RXFP1: variants seen among roughly 807,000 people sequenced by gnomAD.
RXFP1 encodes the protein relaxin family peptide receptor 1.
A neutral mutation model predicts 89.8 loss-of-function variants in RXFP1; 73 were observed. The observed-to-expected ratio is 0.81, with a 90% CI of 0.67 to 0.99. The LOEUF (loss-of-function observed/expected upper bound fraction) is 0.99. RXFP1 is among the 50% of genes least tolerant of loss of function. The probability of loss-of-function intolerance (pLI) is 0.00; values close to 1 mark genes in which losing one functional copy is unlikely to be tolerated. For missense variants in RXFP1, 793 were observed against 895.5 expected, an observed-to-expected ratio of 0.89 and a Z score of 1.46; for synonymous variants, 277 against 305.5, an observed-to-expected ratio of 0.91 and a Z score of 0.97.
chr4:158,572,084 G>T (rs945772404), intron 1 of RXFP1, among the ~76,000 whole-genome samples: 3 of 152,118 alleles, frequency 2.0e-5, no homozygotes, highest in Admixed American at 1.3e-4. Context: ...ATCAATCACC[G>T]CCTCCTCAAG....
intron 1 of RXFP1, among the ~76,000 whole-genome samples, chr4:158,566,321 T>A (rs1753526172): frequency 6.6e-6 from 1 of 152,216 alleles, no homozygotes; most frequent in African/African-American, 2.4e-5. Context: ...CTTTATCCAA[T>A]ACTTGCAACT....
At chr4:158,634,258 A>G (rs940251176) in intron 12 of RXFP1, among the ~76,000 whole-genome samples, 6 of 152,052 alleles carry the variant, frequency 3.9e-5, no homozygotes, top group Non-Finnish European at 5.9e-5. Context: ...TTGTTTTGTG[A>G]TTCCCAGTGA....
chr4:158,652,162 GATAA>G lies in RXFP1; in HGVS notation c.*111_*114del. ...AAAATTAATTTATAATAATAGCTAA[GATAA>G]ATATTTTACAAGGACATGAGGAAAA... On this transcript the variant is annotated 3_prime_UTR_variant, in exon 18 of 18. Coordinates refer to ENST00000307765, the MANE Select transcript of RXFP1 (RefSeq NM_021634.4). 1.1e-6 allele frequency: 1 copy of G among 895,086 alleles called. No homozygotes were observed. The highest frequency in any genetic ancestry group is 1.7e-5 in the African/African-American group (1 of 58,636). The allele number at this position is 895,086 out of a possible 1,614,324, so 55.4% of individuals were successfully genotyped here.
chr4:158,592,777 A>T (rs528301833), intron 2 of RXFP1, among the ~76,000 whole-genome samples: 349 of 152,080 alleles, frequency 2.3e-3, no homozygotes, highest in African/African-American at 8.1e-3. Context: ...TACTTCAGGA[A>T]CACCTATAGT....
At chr4:158,601,120 A>G (rs1441581875) in intron 4 of RXFP1, among the ~76,000 whole-genome samples, 1 of 152,070 alleles carries the variant, frequency 6.6e-6, no homozygotes. Context: ...ATTAATTCCC[A>G]TTCAATTTTA....
chr4:158,545,906 T>C (rs1460523249), intron 1 of RXFP1, among the ~76,000 whole-genome samples: 1 of 152,244 alleles, frequency 6.6e-6, no homozygotes, highest in Non-Finnish European at 1.5e-5. Flanking sequence ...TTTGTTCTTT[T>C]GGCTTAGGAT....
upstream of RXFP1, chr4:158,521,768 A>G: frequency 1.9e-6 from 1 of 530,200 alleles, no homozygotes; most frequent in Non-Finnish European, 3.3e-6. Context: ...GGCGGGGAGG[A>G]GAGATCCTGA....
intron 3 of RXFP1, among the ~76,000 whole-genome samples, chr4:158,594,542 G>A (rs1045178055): frequency 6.6e-6 from 1 of 151,574 alleles, no homozygotes; most frequent in Non-Finnish European, 1.5e-5. Context: ...AAAATAAATA[G>A]TGCTTTGCAC....
At chr4:158,570,004 G>A (rs1158288880) in intron 1 of RXFP1, among the ~76,000 whole-genome samples, 1 of 151,728 alleles carries the variant, frequency 6.6e-6, no homozygotes, top group East Asian at 1.9e-4. Flanking sequence ...TATTTGTAGG[G>A]GTATAAATAT....
At chr4:158,592,862 G>A (rs998640516) in intron 2 of RXFP1, among the ~76,000 whole-genome samples, 13 of 151,852 alleles carry the variant, frequency 8.6e-5, no homozygotes, top group African/African-American at 2.2e-4. Flanking sequence ...GGGCCGAGGC[G>A]GACAGATTTG....
At position 158,641,468 on chromosome 4, in the gene RXFP1, C is replaced by T. The variant is rs138074023; in HGVS notation, c.1115+2137C>T. 2.6e-4 allele frequency among the ~76,000 whole-genome samples: 40 copies of T among 152,250 alleles called. No individual in the cohort carries two copies. In the East Asian group the frequency reaches 7.5e-3, roughly 29 times the overall value. ...ATTGAGTGCTGGGCAGCCAAAGCGG[C>T]AAACAGAGTTACTATAATTCTGTTG... On this transcript the variant is annotated intron_variant, in intron 14 of 17. Transcript: ENST00000307765.
At chr4:158,608,085 C>T (rs1449596555) in intron 6 of RXFP1, 42 bp downstream of exon 6, 1 of 1,324,536 alleles carries the variant, frequency 7.5e-7, no homozygotes, top group East Asian at 2.3e-5. Flanking sequence ...CCATGGTAGT[C>T]TGACAGCCTA....
At chr4:158,583,509 A>G (rs1387280986) in intron 2 of RXFP1, among the ~76,000 whole-genome samples, 1 of 152,250 alleles carries the variant, frequency 6.6e-6, no homozygotes, top group East Asian at 1.9e-4. Context: ...CCATGTACCC[A>G]TAAAAATTAA....
At chr4:158,566,332 T>C (rs1156322457) in intron 1 of RXFP1, among the ~76,000 whole-genome samples, 1 of 152,070 alleles carries the variant, frequency 6.6e-6, no homozygotes. Flanking sequence ...ACTTGCAACT[T>C]CTCAGTTTGA....
At chr4:158,627,866 A>G (rs771236834) in intron 10 of RXFP1, among the ~76,000 whole-genome samples, 1 of 152,130 alleles carries the variant, frequency 6.6e-6, no homozygotes, top group Non-Finnish European at 1.5e-5. Flanking sequence ...AAAAACTTAG[A>G]ATTTCTTTTC....
At position 158,629,137 on chromosome 4, in the gene RXFP1, G is replaced by A. The variant is rs754354836; in HGVS notation, c.899+428G>A. 4.6e-5 allele frequency among the ~76,000 whole-genome samples: 7 copies of A among 151,620 alleles called. No individual in the cohort carries two copies. The South Asian group carries it at 6.2e-4, about 14-fold the overall frequency. ...ATGACCTCGGCTCACTGCAACCTCC[G>A]CCTCCCAGGTTCAAGCAAATATCCT... is the stretch of plus-strand genomic sequence containing the variant. On this transcript the variant is annotated intron_variant, in intron 11 of 17. Transcript: ENST00000307765.
Position 158,605,070 on chromosome 4 carries a change from C to G in RXFP1, c.395C>G (p.Ser132Ter), listed in dbSNP as rs778662198. Residue 132 changes from serine (S) to a stop codon, truncating the protein, a stop_gained and splice_region_variant, in exon 5 of 18, where the codon TCA (serine) becomes TGA (stop). Transcript: ENST00000307765. LOFTEE classifies it high-confidence loss of function. ...PSVSSNVTAMSLQWNLIRKLP... is the reference protein window; with the variant it reads ...PSVSSNVTAM ...ATCAAAATTTACATTTATTTCAGGT[C>G]ACTTCAGTGGAACTTAATAAGAAAG... The G allele has an allele frequency of 3.0e-5, 47 of 1,541,326 alleles. 1 individual carries two copies. In the South Asian group the frequency reaches 5.7e-4, roughly 19 times the overall value.
intron 14 of RXFP1, among the ~76,000 whole-genome samples, chr4:158,643,187 A>G (rs931336737): frequency 6.6e-6 from 1 of 152,164 alleles, no homozygotes; most frequent in African/African-American, 2.4e-5. Context: ...CTATTGGCAC[A>G]GCTGCCAGCA....
intron 17 of RXFP1, among the ~76,000 whole-genome samples, chr4:158,649,372 A>T (rs966329432): frequency 6.6e-6 from 1 of 152,156 alleles, no homozygotes; most frequent in African/African-American, 2.4e-5. Flanking sequence ...ATGTAAGAAA[A>T]TTTTCTTCCT....
Sources: allele counts gnomAD v4.1 joint callset (sites outside exome capture counted in the v4.1 genomes callset), GRCh38; gene constraint gnomAD v4.1.1; transcripts MANE v1.5; gene names NCBI Gene and HGNC (gene_info 2026-07-23, HGNC 2026-07-21).